The following RNF114 variants were observed in gnomAD, a reference collection of about 807,000 sequenced individuals.
RNF114 encodes the protein E3 ubiquitin-protein ligase RNF114.
Under a neutral mutation model 28.4 loss-of-function variants are expected in RNF114, and 6 were observed. That is an observed-to-expected ratio of 0.21 (90% CI 0.12 to 0.42). RNF114 has a LOEUF of 0.42. Ranked by LOEUF, RNF114 falls within the 10% of genes least tolerant of loss-of-function variation. The probability of loss-of-function intolerance (pLI) is 1.00; values close to 1 mark genes in which losing one functional copy is unlikely to be tolerated. For synonymous variants in RNF114, 115 were observed against 116.7 expected (o/e 0.99, Z 0.09); for missense variants, 249 against 311.7 (o/e 0.80, Z 1.51).
In RNF114 at chr20:49,950,691, A is replaced by AC. The variant is rs201500868; in HGVS notation, c.621+1336_621+1337insC. Among the ~76,000 whole-genome samples, 3,445 of 151,288 alleles carry AC rather than the reference A, an allele frequency of 0.023. 373 individuals carry two copies. The East Asian group carries it at 0.35, about 15-fold the overall frequency. ...GAATGAGACCCTGTCTCAAAAAAAAAAAAAAAAAACAAAACACACACACAC... is the reference window on the plus strand; with the variant it reads ...GAATGAGACCCTGTCTCAAAAAAAAACAAAAAAAAACAAAACACACACACAC... On this transcript the variant is annotated intron_variant, in intron 5 of 5. Coordinates refer to ENST00000244061, the MANE Select transcript of RNF114 (RefSeq NM_018683.4).
chr20:49,945,355 T>C (rs1323126210), intron 2 of RNF114, 27 bp from the exon 3 acceptor site: 11 of 1,482,546 alleles, frequency 7.4e-6, no homozygotes, highest in Non-Finnish European at 1.0e-5. Context: ...CTCACTAACT[T>C]ATGGGCTCTG....
chr20:49,949,386 C>A, intron 5 of RNF114, 31 bp downstream of exon 5: 1 of 1,566,798 alleles, frequency 6.4e-7, no homozygotes, highest in Non-Finnish European at 8.8e-7. Flanking sequence ...CTGATCCCTC[C>A]CCTGGGGGAG....
chr20:49,939,032 C>T (rs574837991), intron 1 of RNF114, among the ~76,000 whole-genome samples: 4 of 152,190 alleles, frequency 2.6e-5, no homozygotes, highest in Admixed American at 6.5e-5. Context: ...CCTTCCTTTC[C>T]AGTCCTCATT....
chr20:49,939,279 A>G (rs1474387771), intron 1 of RNF114, among the ~76,000 whole-genome samples: 1 of 152,168 alleles, frequency 6.6e-6, no homozygotes, highest in Non-Finnish European at 1.5e-5. Flanking sequence ...TCAAGTTTCC[A>G]TTGCCCTCAG....
At chr20:49,945,995 C>T (rs1335578162) in intron 3 of RNF114, 141 bp from the exon 4 acceptor site, 1 of 526,894 alleles carries the variant, frequency 1.9e-6, no homozygotes, top group East Asian at 3.2e-5. Flanking sequence ...CAACACTTGA[C>T]CTGAGTCTGA....
intron 5 of RNF114, among the ~76,000 whole-genome samples, chr20:49,950,682 C>CAAA (rs11429510): frequency 7.7e-5 from 7 of 90,488 alleles, no homozygotes; most frequent in Admixed American, 1.2e-4. Flanking sequence ...GACCCTGTCT[C>CAAA]AAAAAAAAAA....
At position 49,940,412 on chromosome 20, in the gene RNF114, C is replaced by CTT. The variant is rs373298495; in HGVS notation, c.141-1134_141-1133dup. On this transcript the variant is annotated intron_variant, in intron 1 of 5. Coordinates refer to ENST00000244061, the MANE Select transcript of RNF114 (RefSeq NM_018683.4). ...AACTACAAAAGGATCCATCTGAACC[C>CTT]TTTTTTTTTTTTTTTTGAGACGGAG... is the stretch of plus-strand genomic sequence containing the variant. Among the ~76,000 whole-genome samples the CTT allele has an allele frequency of 1.8e-3, 225 of 125,184 alleles. 1 individual carries two copies. Among genetic ancestry groups the CTT allele is most frequent in the African/African-American group, 5.7e-3 (200 of 34,976 alleles). The allele number at this position is 125,184 out of a possible 152,430, so 82.1% of individuals were successfully genotyped here.
intron 5 of RNF114, among the ~76,000 whole-genome samples, chr20:49,949,802 G>A (rs914969810): frequency 1.3e-5 from 2 of 152,018 alleles, no homozygotes; most frequent in Non-Finnish European, 2.9e-5. Context: ...ATGCCACCAT[G>A]CCCCATTACT....
chr20:49,950,732 T>A (rs1195124551), intron 5 of RNF114, among the ~76,000 whole-genome samples: 1 of 151,200 alleles, frequency 6.6e-6, no homozygotes, highest in East Asian at 1.9e-4. Context: ...CAATTTGGAC[T>A]TGGGAGGCTC....
chr20:49,945,822 T>C (rs2090328460), intron 3 of RNF114, among the ~76,000 whole-genome samples: 1 of 152,198 alleles, frequency 6.6e-6, no homozygotes. Flanking sequence ...CCTGCCACCA[T>C]GCCTGGCTAA....
At position 49,952,622 on chromosome 20, in the gene RNF114, G is replaced by C. The variant is rs1047981638; in HGVS notation, c.*481G>C. Reference sequence around the variant, plus strand: ...TGACCAGAGCTGAAGCTCCCGCTGGGCTGTGGGGTTGCCAGAAGCTGGGGT... The same window carrying C: ...TGACCAGAGCTGAAGCTCCCGCTGGCCTGTGGGGTTGCCAGAAGCTGGGGT... On this transcript the variant is annotated 3_prime_UTR_variant, in exon 6 of 6. Transcript: ENST00000244061. The C allele has an allele frequency of 6.2e-5, 12 of 193,118 alleles. No individual in the cohort carries two copies. The Admixed American group carries it at 7.0e-4, about 11-fold the overall frequency. 12.0% of individuals were successfully genotyped at this position (193,118 alleles called of 1,614,324 possible). A position where few individuals can be genotyped will look rare whatever the true frequency, so the allele number is the denominator to read the frequency against.
At chr20:49,939,323 A>C (rs1327863499) in intron 1 of RNF114, among the ~76,000 whole-genome samples, 2 of 152,152 alleles carry the variant, frequency 1.3e-5, no homozygotes, top group Admixed American at 6.6e-5. Context: ...CCTTCTCTGT[A>C]CCTGGTCTGG....
intron 1 of RNF114, among the ~76,000 whole-genome samples, chr20:49,940,825 T>C (rs1489652435): frequency 6.6e-6 from 1 of 151,678 alleles, no homozygotes; most frequent in Non-Finnish European, 1.5e-5. Context: ...TGCAGCCACC[T>C]CTGCCTCCCA....
Position 49,952,127 on chromosome 20 carries a change from A to G in RNF114, c.673A>G (p.Ile225Val). The G allele has an allele frequency of 6.2e-7, 1 of 1,613,818 alleles. No homozygotes were observed. The highest frequency in any genetic ancestry group is 8.5e-7 in the Non-Finnish European group (1 of 1,179,782). The change falls in exon 6 of 6, where the codon ATC becomes GTC. Residue 225 changes from isoleucine (I) to valine (V), a missense_variant. Transcript: ENST00000244061. Reference protein sequence around the residue: ...DMMNQVLQRSIIDQ With the variant: ...DMMNQVLQRSVIDQ The stretch of plus-strand genomic sequence containing the variant: ...GATGAATCAGGTGTTGCAGCGCTCC[A>G]TCATCGACCAGTGAGCAGAGTCCGT...
chr20:49,939,989 T>G (rs935867617), intron 1 of RNF114, among the ~76,000 whole-genome samples: 1 of 150,012 alleles, frequency 6.7e-6, no homozygotes, highest in Non-Finnish European at 1.5e-5. Flanking sequence ...GGGAGGCAGA[T>G]TTTGCAGTGA....
intron 4 of RNF114, among the ~76,000 whole-genome samples, chr20:49,948,038 T>C (rs926313309): frequency 1.3e-5 from 2 of 151,606 alleles, no homozygotes; most frequent in Non-Finnish European, 2.9e-5. Flanking sequence ...GATCCGCCCG[T>C]CTCGGCCTCC....
In RNF114 at chr20:49,936,434, T is replaced by A. The variant is rs971767853; in HGVS notation, c.22T>A (p.Cys8Ser). 6.5e-7 allele frequency: 1 copy of A among 1,536,054 alleles called. No homozygotes were observed. Among genetic ancestry groups the A allele is most frequent in the African/African-American group, 1.4e-5 (1 of 70,742 alleles). The change falls in exon 1 of 6, where the codon TGC (cysteine) becomes AGC (serine). Residue 8 changes from cysteine to serine, a missense_variant. Cys to Ser is a moderately radical substitution (Grantham distance 112). This residue lies in a region of RNF114 where 123 missense variants were observed against 106.4 expected (regional missense o/e 1.16). Transcript: ENST00000244061. ...CAAGATGGCGGCGCAACAGCGGGACTGCGGGGGTGCTGCGCAGCTGGCGGG... is the reference window on the plus strand; with the variant it reads ...CAAGATGGCGGCGCAACAGCGGGACAGCGGGGGTGCTGCGCAGCTGGCGGG... MAAQQRDCGGAAQLAGPA... is the reference protein window; with the variant it reads MAAQQRDSGGAAQLAGPA...
chr20:49,952,147 G>A lies in RNF114; in HGVS notation c.*6G>A. 6.2e-7 allele frequency: 1 copy of A among 1,612,416 alleles called. No individual in the cohort carries two copies. Among genetic ancestry groups the A allele is most frequent in the South Asian group, 1.1e-5 (1 of 91,048 alleles). The stretch of plus-strand genomic sequence containing the variant: ...GCTCCATCATCGACCAGTGAGCAGA[G>A]TCCGTGCTTGCTATCTGTCTCATGT... On this transcript the variant is annotated 3_prime_UTR_variant, in exon 6 of 6. Coordinates refer to ENST00000244061, the MANE Select transcript of RNF114 (RefSeq NM_018683.4).
intron 5 of RNF114, among the ~76,000 whole-genome samples, chr20:49,951,307 A>G (rs1198843484): frequency 6.6e-6 from 1 of 151,506 alleles, no homozygotes; most frequent in African/African-American, 2.4e-5. Flanking sequence ...GTGTCACATT[A>G]ACAAAAATGA....
Sources: gnomAD v4.1 joint callset for allele counts (sites outside exome capture counted in the v4.1 genomes callset) on GRCh38, gnomAD v4.1.1 for gene constraint, gnomAD v4.1.1 regional missense constraint, MANE v1.5 for transcripts, NCBI Gene and HGNC (gene_info 2026-07-23, HGNC 2026-07-21) for gene names.